The following IGSF3 variants were observed in gnomAD, a reference collection of about 807,000 sequenced individuals.
IGSF3 encodes the protein glu-Trp-Ile EWI motif-containing protein 3.
A neutral mutation model predicts 114.4 loss-of-function variants in IGSF3; 23 were observed. That is an observed-to-expected ratio of 0.20 (90% CI 0.14 to 0.28). The LOEUF is 0.28. Ranked by LOEUF, IGSF3 falls within the 10% of genes least tolerant of loss-of-function variation. The pLI, the probability that IGSF3 is intolerant of heterozygous loss-of-function variation, is 1.00. For synonymous variants in IGSF3, 571 were observed against 645.2 expected (o/e 0.88, Z 1.74); for missense variants, 1,172 against 1,591.5 (o/e 0.74, Z 4.48).
At chr1:116,602,031 T>C (rs1035830234) in intron 6 of IGSF3, among the ~76,000 whole-genome samples, 3 of 152,266 alleles carry the variant, frequency 2.0e-5, no homozygotes, top group African/African-American at 7.2e-5. Flanking sequence ...ATTATACTGA[T>C]ATGAAAATTC....
intron 2 of IGSF3, among the ~76,000 whole-genome samples, chr1:116,646,289 C>T (rs927849851): frequency 8.5e-5 from 13 of 152,120 alleles, no homozygotes; most frequent in African/African-American, 1.7e-4. Context: ...TTCTTTTGTC[C>T]GGCTTCTGGT....
chr1:116,663,024 G>A (rs192891962), intron 2 of IGSF3, among the ~76,000 whole-genome samples: 3 of 152,148 alleles, frequency 2.0e-5, no homozygotes. Context: ...TCTCCCTCTG[G>A]AGCAGAACAC....
Position 116,660,738 on chromosome 1 carries a change from G to A in IGSF3, c.43+5546C>T, listed in dbSNP as rs545824038. Reference sequence around the variant, plus strand: ...ATTACAGGCGTAAGCCACCATACCCGGCCACGTATGCATTTTAAAATGTTA... The same window carrying A: ...ATTACAGGCGTAAGCCACCATACCCAGCCACGTATGCATTTTAAAATGTTA... On this transcript the variant is annotated intron_variant, in intron 2 of 10. Transcript: ENST00000369486. 6.4e-4 allele frequency among the ~76,000 whole-genome samples: 98 copies of A among 152,000 alleles called. 1 individual carries two copies. Among genetic ancestry groups the A allele is most frequent in the African/African-American group, 1.9e-3 (78 of 41,468 alleles).
chr1:116,654,469 G>A lies in IGSF3; in HGVS notation c.43+11815C>T, dbSNP rs1648762963. On this transcript the variant is annotated intron_variant, in intron 2 of 10. Coordinates refer to ENST00000369486, the MANE Select transcript of IGSF3 (RefSeq NM_001007237.3). The surrounding 1 kb of genome is among the most constrained non-coding windows in gnomAD (Gnocchi z 4.4). ...CATCTGGCAAGGAACAGACCTGGAA[G>A]AGCCTGCCCTTCATCGAGCTGCTAC... Among the ~76,000 whole-genome samples, 1 of 152,244 alleles carries A rather than the reference G, an allele frequency of 6.6e-6. No homozygotes were observed. Among genetic ancestry groups the A allele is most frequent in the African/African-American group, 2.4e-5 (1 of 41,476 alleles).
intron 6 of IGSF3, among the ~76,000 whole-genome samples, chr1:116,602,073 G>A (rs989042593): frequency 5.3e-5 from 8 of 152,204 alleles, no homozygotes; most frequent in African/African-American, 1.9e-4. Flanking sequence ...AGACTGAAAA[G>A]ACAACCTTAA....
At chr1:116,623,371 G>A (rs967347744) in intron 2 of IGSF3, among the ~76,000 whole-genome samples, 10 of 152,188 alleles carry the variant, frequency 6.6e-5, no homozygotes, top group Admixed American at 2.0e-4. Context: ...AGGAGTTAGG[G>A]AGTAAATGAA....
In IGSF3 at chr1:116,607,619, A is replaced by G. The variant is rs541082684; in HGVS notation, c.1222+323T>C. Among the ~76,000 whole-genome samples the G allele has an allele frequency of 1.7e-3, 254 of 152,296 alleles. 3 individuals carry two copies. Among genetic ancestry groups the G allele is most frequent in the African/African-American group, 5.5e-3 (230 of 41,548 alleles). The stretch of plus-strand genomic sequence containing the variant: ...ACACAAGAGCAAACAGCTTTCTGGG[A>G]TTCCTGGTTTCCCTCCAAGCTGAGC... On this transcript the variant is annotated intron_variant, in intron 5 of 10. Transcript: ENST00000369486. This position sits in a 1 kb window ranked among gnomAD's most constrained non-coding sequence, Gnocchi z 6.1.
intron 2 of IGSF3, among the ~76,000 whole-genome samples, chr1:116,617,573 G>A (rs149766971): frequency 6.6e-6 from 1 of 152,182 alleles, no homozygotes; most frequent in South Asian, 2.1e-4. Flanking sequence ...ACTAGCATGG[G>A]TTCCGATGCT....
At chr1:116,631,710 G>A (rs1245688034) in intron 2 of IGSF3, among the ~76,000 whole-genome samples, 1 of 152,148 alleles carries the variant, frequency 6.6e-6, no homozygotes, top group Non-Finnish European at 1.5e-5. Flanking sequence ...TATTCCCTGG[G>A]CCCAACCAAC....
chr1:116,611,124 C>T (rs1661003874), intron 4 of IGSF3, among the ~76,000 whole-genome samples: 1 of 152,166 alleles, frequency 6.6e-6, no homozygotes, highest in Non-Finnish European at 1.5e-5. Flanking sequence ...GGTCTCTTGG[C>T]TTCAGACTCA....
In IGSF3 at chr1:116,616,687, CTT is replaced by C. The variant is rs934044760; in HGVS notation, c.44-232_44-231del. Among the ~76,000 whole-genome samples the C allele has an allele frequency of 6.6e-6, 1 of 152,180 alleles. No homozygotes were observed. The highest frequency in any genetic ancestry group is 2.4e-5 in the African/African-American group (1 of 41,428). The stretch of plus-strand genomic sequence containing the variant: ...GGGAATTTGATCATGCCAAGATGTG[CTT>C]TTGTTACTTATTCAACAGCTGACCC... On this transcript the variant is annotated intron_variant, in intron 2 of 10. Coordinates refer to ENST00000369486, the MANE Select transcript of IGSF3 (RefSeq NM_001007237.3). This position sits in a 1 kb window ranked among gnomAD's most constrained non-coding sequence, Gnocchi z 6.6.
At position 116,585,499 on chromosome 1, in the gene IGSF3, CA is replaced by C. The variant is rs1659801506; in HGVS notation, c.2441-448del. ...CTAGAAAATGCTGGGCCACCAACTA[CA>C]AAAGAACTGCAGGGGAAAGCCAGTT... is the stretch of plus-strand genomic sequence containing the variant. On this transcript the variant is annotated intron_variant, in intron 8 of 10. Transcript: ENST00000369486. The surrounding 1 kb of genome is among the most constrained non-coding windows in gnomAD (Gnocchi z 4.9). 6.6e-6 allele frequency among the ~76,000 whole-genome samples: 1 copy of C among 152,184 alleles called. No homozygotes were observed. The highest frequency in any genetic ancestry group is 1.5e-5 in the Non-Finnish European group (1 of 68,030).
In IGSF3 at chr1:116,615,748, G is replaced by A. The variant is rs536051579; in HGVS notation, c.421+332C>T. Among the ~76,000 whole-genome samples the A allele has an allele frequency of 1.3e-5, 2 of 152,304 alleles. No homozygotes were observed. Among genetic ancestry groups the A allele is most frequent in the East Asian group, 3.9e-4 (2 of 5,192 alleles). ...AGGTTTCTCCTCTCTTCCAACTGAT[G>A]TCATACGTCTCATCTTCCTTGTCAT... On this transcript the variant is annotated intron_variant, in intron 3 of 10. Transcript: ENST00000369486. The surrounding 1 kb of genome is among the most constrained non-coding windows in gnomAD (Gnocchi z 4.3).
chr1:116,575,765 T>A lies in IGSF3; in HGVS notation c.*1547A>T, dbSNP rs1158284374. 1 of 152,210 alleles carries A rather than the reference T, an allele frequency of 6.6e-6. No homozygotes were observed. The highest frequency in any genetic ancestry group is 1.9e-4 in the East Asian group (1 of 5,194). The allele number at this position is 152,210 out of a possible 1,614,324, so 9.4% of individuals were successfully genotyped here. On this transcript the variant is annotated 3_prime_UTR_variant, in exon 11 of 11. Coordinates refer to ENST00000369486, the MANE Select transcript of IGSF3 (RefSeq NM_001007237.3). The surrounding 1 kb of genome is among the most constrained non-coding windows in gnomAD (Gnocchi z 5.6). ...AGCAAAAGGAAATATTTGCAATTGA[T>A]GATGCCCTAAGAAGGACAAGCAGCA... is the stretch of plus-strand genomic sequence containing the variant.
At position 116,576,608 on chromosome 1, in the gene IGSF3, C is replaced by A. The variant is rs1203936915; in HGVS notation, c.*704G>T. 2 of 152,672 alleles carry A rather than the reference C, an allele frequency of 1.3e-5. No individual in the cohort carries two copies. The highest frequency in any genetic ancestry group is 2.9e-5 in the Non-Finnish European group (2 of 68,048). 9.5% of individuals were successfully genotyped at this position (152,672 alleles called of 1,614,324 possible). On this transcript the variant is annotated 3_prime_UTR_variant, in exon 11 of 11. Transcript: ENST00000369486. This position sits in a 1 kb window ranked among gnomAD's most constrained non-coding sequence, Gnocchi z 4.6. ...TTGCCTCCCTGACAGATAGGCCGGG[C>A]ACCATCTACTCCTAATGGGGTTATG...
chr1:116,639,651 A>T (rs182050458), intron 2 of IGSF3, among the ~76,000 whole-genome samples: 1 of 152,274 alleles, frequency 6.6e-6, no homozygotes, highest in South Asian at 2.1e-4. Flanking sequence ...AAGTCAAAGC[A>T]TTAGAGCTTC....
chr1:116,623,310 T>C (rs1419958070), intron 2 of IGSF3, among the ~76,000 whole-genome samples: 1 of 152,242 alleles, frequency 6.6e-6, no homozygotes, highest in Non-Finnish European at 1.5e-5. Flanking sequence ...AACAGCCCTC[T>C]GAGGTCAATA....
In IGSF3 at chr1:116,606,498, G is replaced by A. The variant is rs141675992; in HGVS notation, c.1222+1444C>T. 3.2e-4 allele frequency: 498 copies of A among 1,566,996 alleles called. 3 individuals are homozygous for A. The East Asian group carries it at 8.3e-3, about 26-fold the overall frequency. ...TGTTCTTCGGCAGACTTACCCAAGTGGCCTTGGGACAGGAGCTGGTGGTGC... is the reference window on the plus strand; with the variant it reads ...TGTTCTTCGGCAGACTTACCCAAGTAGCCTTGGGACAGGAGCTGGTGGTGC... On this transcript the variant is annotated intron_variant, in intron 5 of 10. Coordinates refer to ENST00000369486, the MANE Select transcript of IGSF3 (RefSeq NM_001007237.3).
At chr1:116,622,947 G>A (rs1661465784) in intron 2 of IGSF3, among the ~76,000 whole-genome samples, 1 of 152,228 alleles carries the variant, frequency 6.6e-6, no homozygotes, top group Admixed American at 6.5e-5. Context: ...GCAGTCCCAA[G>A]TTAAAAATGG....
Sources: gnomAD v4.1 joint callset for allele counts (sites outside exome capture counted in the v4.1 genomes callset) on GRCh38, gnomAD v4.1.1 for gene constraint, Gnocchi (gnomAD v3.1) non-coding constraint, MANE v1.5 for transcripts, NCBI Gene and HGNC (gene_info 2026-07-23, HGNC 2026-07-21) for gene names.